AGBL4: variants seen among roughly 807,000 people sequenced by gnomAD.
AGBL4 encodes the protein AGBL carboxypeptidase 4.
AGBL4 carries 58 observed loss-of-function variants against 66.4 expected under a neutral mutation model. The observed-to-expected ratio is 0.87, with a 90% CI of 0.71 to 1.09. The LOEUF (loss-of-function observed/expected upper bound fraction) is 1.09. Ranked by LOEUF, AGBL4 falls within the 50% of genes least tolerant of loss-of-function variation. AGBL4 has a pLI of 0.00. For missense variants in AGBL4, 579 were observed against 631.0 expected (o/e 0.92, Z 0.88); for synonymous variants, 234 against 222.9 (o/e 1.05, Z -0.44).
intron 5 of AGBL4, among the ~76,000 whole-genome samples, chr1:48,880,735 C>T (rs1164166881): frequency 6.6e-6 from 1 of 152,120 alleles, no homozygotes; most frequent in Non-Finnish European, 1.5e-5. Context: ...CAGCTAGTCT[C>T]ACTTTTTTCC....
chr1:49,338,817 T>C (rs1192983475), intron 3 of AGBL4, among the ~76,000 whole-genome samples: 2 of 152,132 alleles, frequency 1.3e-5, no homozygotes, highest in Admixed American at 6.5e-5. Context: ...GAAGCCTTTA[T>C]TGGGGTATGA....
chr1:49,866,625 G>C (rs1389752426), intron 1 of AGBL4, among the ~76,000 whole-genome samples: 1 of 151,996 alleles, frequency 6.6e-6, no homozygotes, highest in Non-Finnish European at 1.5e-5. Flanking sequence ...TTAGCCGGGC[G>C]TGGTGGCATG....
chr1:50,013,804 A>T (rs1661729117), intron 1 of AGBL4, among the ~76,000 whole-genome samples: 1 of 152,200 alleles, frequency 6.6e-6, no homozygotes, highest in African/African-American at 2.4e-5. Context: ...AGATCTTTAA[A>T]CATGTATAAA....
At chr1:49,464,373 C>A (rs1043433242) in intron 3 of AGBL4, among the ~76,000 whole-genome samples, 3 of 151,740 alleles carry the variant, frequency 2.0e-5, no homozygotes, top group African/African-American at 7.2e-5. Flanking sequence ...TTTACTCCTT[C>A]TTTATCTGTG....
At chr1:49,537,719 T>A (rs539979651) in intron 3 of AGBL4, among the ~76,000 whole-genome samples, 11 of 152,026 alleles carry the variant, frequency 7.2e-5, no homozygotes, top group Non-Finnish European at 1.2e-4. Flanking sequence ...GGTCAGGAGA[T>A]CAAGACCATC....
chr1:49,743,811 A>C (rs993388897), intron 2 of AGBL4, among the ~76,000 whole-genome samples: 6 of 150,810 alleles, frequency 4.0e-5, no homozygotes, highest in Middle Eastern at 3.4e-3. Flanking sequence ...GGACAAAAAA[A>C]CCAAACACCG....
chr1:49,152,260 G>A (rs1646350521), intron 4 of AGBL4, among the ~76,000 whole-genome samples: 1 of 152,108 alleles, frequency 6.6e-6, no homozygotes, highest in South Asian at 2.1e-4. Flanking sequence ...TTCCCTGGTG[G>A]AATAGGTGAC....
At chr1:49,267,183 C>A (rs1274412150) in intron 3 of AGBL4, among the ~76,000 whole-genome samples, 1 of 152,144 alleles carries the variant, frequency 6.6e-6, no homozygotes, top group Non-Finnish European at 1.5e-5. Context: ...TGAGCCACTT[C>A]CCAAAAGATG....
chr1:48,932,565 A>G (rs1655117993), intron 5 of AGBL4, among the ~76,000 whole-genome samples: 1 of 152,168 alleles, frequency 6.6e-6, no homozygotes, highest in South Asian at 2.1e-4. Flanking sequence ...GTTTCCTGCA[A>G]TTACACAGTT....
chr1:49,626,337 T>C (rs1230510609), intron 3 of AGBL4, among the ~76,000 whole-genome samples: 2 of 152,146 alleles, frequency 1.3e-5, no homozygotes, highest in Non-Finnish European at 2.9e-5. Flanking sequence ...CATCCTTACA[T>C]CTGGATTGCT....
At chr1:48,801,938 TC>T (rs1267984744) in intron 6 of AGBL4, among the ~76,000 whole-genome samples, 1 of 151,398 alleles carries the variant, frequency 6.6e-6, no homozygotes, top group Non-Finnish European at 1.5e-5. Flanking sequence ...CTTCAAAACA[TC>T]AAACTAAAGA....
intron 3 of AGBL4, among the ~76,000 whole-genome samples, chr1:49,593,406 C>CA (rs1025535442): frequency 3.5e-4 from 53 of 151,530 alleles, no homozygotes; most frequent in African/African-American, 1.2e-3. Flanking sequence ...GACTCTGTCT[C>CA]AAAAAAATTC....
At position 49,251,261 on chromosome 1, in the gene AGBL4, C is replaced by T. The variant is rs542874741; in HGVS notation, c.283-5397G>A. Among the ~76,000 whole-genome samples, 552 of 152,290 alleles carry T rather than the reference C, an allele frequency of 3.6e-3. 8 individuals carry two copies. The highest frequency in any genetic ancestry group is 3.3e-3 in the Non-Finnish European group (225 of 68,020). On this transcript the variant is annotated intron_variant, in intron 3 of 13. Transcript: ENST00000371839. ...CACCTTCCCCATACTGCAGCTTCCC[C>T]TCGGCCCAAGGCAACTCCCCACATC... is the stretch of plus-strand genomic sequence containing the variant.
Position 49,286,466 on chromosome 1 carries a change from T to C in AGBL4, c.283-40602A>G, listed in dbSNP as rs1446724528. 4.6e-5 allele frequency among the ~76,000 whole-genome samples: 7 copies of C among 152,290 alleles called. No individual in the cohort carries two copies. In the South Asian group the frequency reaches 8.3e-4, roughly 18 times the overall value. On this transcript the variant is annotated intron_variant, in intron 3 of 13. Transcript: ENST00000371839. ...ATGATTGTATATCTAGAAAACCCCATTGGCTCAGACCAAAATCTCCTTAAG... is the reference window on the plus strand; with the variant it reads ...ATGATTGTATATCTAGAAAACCCCACTGGCTCAGACCAAAATCTCCTTAAG...
intron 2 of AGBL4, among the ~76,000 whole-genome samples, chr1:49,847,152 A>T (rs1253582890): frequency 6.6e-6 from 1 of 152,176 alleles, no homozygotes. Context: ...CTACACATAC[A>T]TTGGGAAGAG....
chr1:49,117,793 C>G (rs1194026390), intron 4 of AGBL4, among the ~76,000 whole-genome samples: 3 of 152,154 alleles, frequency 2.0e-5, no homozygotes, highest in Admixed American at 6.5e-5. Flanking sequence ...GGCATTGAAT[C>G]TATAAATTAC....
chr1:49,549,192 T>C (rs1652749672), intron 3 of AGBL4, among the ~76,000 whole-genome samples: 2 of 152,156 alleles, frequency 1.3e-5, no homozygotes, highest in South Asian at 4.1e-4. Context: ...TTTTCTTGGT[T>C]AATCTTGCTA....
At chr1:49,246,281 T>C (rs543916882) in intron 3 of AGBL4, among the ~76,000 whole-genome samples, 1 of 152,120 alleles carries the variant, frequency 6.6e-6, no homozygotes, top group Non-Finnish European at 1.5e-5. Flanking sequence ...TTATTAAGTG[T>C]ATCCTTTCTC....
chr1:48,845,464 T>C (rs924255986), intron 6 of AGBL4, among the ~76,000 whole-genome samples: 1 of 152,208 alleles, frequency 6.6e-6, no homozygotes, highest in African/African-American at 2.4e-5. Flanking sequence ...GAGCACAGTA[T>C]GCTCACCACA....
Sources: gnomAD v4.1 joint callset for allele counts (sites outside exome capture counted in the v4.1 genomes callset) on GRCh38, gnomAD v4.1.1 for gene constraint, MANE v1.5 for transcripts, NCBI Gene and HGNC (gene_info 2026-07-23, HGNC 2026-07-21) for gene names.